The following GPATCH2L variants were observed in gnomAD, a reference collection of about 807,000 sequenced individuals.
The protein encoded by GPATCH2L is G-patch domain containing 2 like.
Under a neutral mutation model 57.4 loss-of-function variants are expected in GPATCH2L, and 31 were observed. The observed-to-expected ratio is 0.54, with a 90% confidence interval of 0.41 to 0.73. GPATCH2L has a LOEUF of 0.73. Ranked by LOEUF, GPATCH2L falls within the 30% of genes least tolerant of loss-of-function variation. The probability of loss-of-function intolerance (pLI) is 0.00; values close to 1 mark genes in which losing one functional copy is unlikely to be tolerated. For missense variants in GPATCH2L, 481 were observed against 599.9 expected, an observed-to-expected ratio of 0.80 and a Z score of 2.07; for synonymous variants, 199 against 210.7, an observed-to-expected ratio of 0.94 and a Z score of 0.48.
In GPATCH2L at chr14:76,181,754, T is replaced by C. The variant is rs112531185; in HGVS notation, c.1193+905T>C. On this transcript the variant is annotated intron_variant, in intron 8 of 9. Coordinates refer to ENST00000261530, the MANE Select transcript of GPATCH2L (RefSeq NM_017926.4). The stretch of plus-strand genomic sequence containing the variant: ...ATTGTAGCACCCCCTACAGGGCTGT[T>C]ATGCAGAAAAGAGTAGCTAATAGGC... Among the ~76,000 whole-genome samples, 521 of 152,320 alleles carry C rather than the reference T, an allele frequency of 3.4e-3. 4 individuals are homozygous for C. Among genetic ancestry groups the C allele is most frequent in the African/African-American group, 0.012 (483 of 41,560 alleles).
chr14:76,186,972 G>A (rs572473385), intron 8 of GPATCH2L, among the ~76,000 whole-genome samples: 2 of 152,084 alleles, frequency 1.3e-5, no homozygotes, highest in African/African-American at 4.8e-5. Context: ...GGAATTGCTA[G>A]GATCGCTTCC....
chr14:76,159,960 G>A (rs989580417), intron 2 of GPATCH2L, among the ~76,000 whole-genome samples: 1 of 151,990 alleles, frequency 6.6e-6, no homozygotes, highest in South Asian at 2.1e-4. Context: ...GTGAAACCCC[G>A]ACTCTACTAA....
chr14:76,158,863 A>T (rs2038435443), intron 2 of GPATCH2L, among the ~76,000 whole-genome samples: 1 of 152,196 alleles, frequency 6.6e-6, no homozygotes, highest in African/African-American at 2.4e-5. Context: ...GGTCGATATG[A>T]TACTATTGTA....
At position 76,204,155 on chromosome 14, in the gene GPATCH2L, A is replaced by G. The variant is rs1420165916; in HGVS notation, c.*2304A>G. 1 of 152,212 alleles carries G rather than the reference A, an allele frequency of 6.6e-6. No individual in the cohort carries two copies. Among genetic ancestry groups the G allele is most frequent in the African/African-American group, 2.4e-5 (1 of 41,454 alleles). The allele number at this position is 152,212 out of a possible 1,614,324, so 9.4% of individuals were successfully genotyped here. On this transcript the variant is annotated 3_prime_UTR_variant, in exon 10 of 10. Transcript: ENST00000261530. ...GCCAGGACTAGAATCCCAGACTTTCAGATTTTCTCTGCCCTGGGTTATAAT... is the reference window on the plus strand; with the variant it reads ...GCCAGGACTAGAATCCCAGACTTTCGGATTTTCTCTGCCCTGGGTTATAAT...
intron 1 of GPATCH2L, among the ~76,000 whole-genome samples, chr14:76,222,899 T>TG (rs1421329195): frequency 8.1e-5 from 12 of 148,266 alleles, no homozygotes; most frequent in African/African-American, 2.8e-4. Context: ...AAGATTGCAG[T>TG]GAGCCGAGAT....
At position 76,208,684 on chromosome 14, in the gene GPATCH2L, C is replaced by G. The variant is rs2040407260; in HGVS notation, c.*6833C>G. ...AAATGACTTGATCTAGCTACAGCCT[C>G]ACACTCCTGGCACATACAGCTTTGC... is the stretch of plus-strand genomic sequence containing the variant. On this transcript the variant is annotated 3_prime_UTR_variant, in exon 10 of 10. Transcript: ENST00000261530. The G allele has an allele frequency of 6.6e-6, 1 of 152,572 alleles. No homozygotes were observed. The highest frequency in any genetic ancestry group is 1.5e-5 in the Non-Finnish European group (1 of 68,222). 9.5% of individuals were successfully genotyped at this position (152,572 alleles called of 1,614,324 possible).
chr14:76,181,937 A>C (rs142537886), intron 8 of GPATCH2L, among the ~76,000 whole-genome samples: 1,736 of 152,324 alleles, frequency 0.011, 32 homozygotes, highest in African/African-American at 0.039. Context: ...TACAGTTAGA[A>C]CTTCTACTAT....
At chr14:76,190,459 AG>A (rs1441655122) in intron 8 of GPATCH2L, among the ~76,000 whole-genome samples, 6 of 152,040 alleles carry the variant, frequency 3.9e-5, no homozygotes, top group Non-Finnish European at 8.8e-5. Flanking sequence ...TGACACTCTT[AG>A]GGGAAGTACT....
intron 3 of GPATCH2L, among the ~76,000 whole-genome samples, chr14:76,169,424 G>A (rs1048420854): frequency 2.6e-5 from 4 of 151,958 alleles, no homozygotes; most frequent in South Asian, 2.1e-4. Flanking sequence ...AAACAAAATC[G>A]AACATAGATT....
intron 8 of GPATCH2L, among the ~76,000 whole-genome samples, chr14:76,187,063 C>T (rs2039794857): frequency 6.6e-6 from 1 of 151,212 alleles, no homozygotes; most frequent in Non-Finnish European, 1.5e-5. Flanking sequence ...GCTCCTAGTG[C>T]CATAGGCCTA....
intron 2 of GPATCH2L, among the ~76,000 whole-genome samples, chr14:76,164,587 C>T (rs1018501854): frequency 6.6e-6 from 1 of 151,912 alleles, no homozygotes; most frequent in African/African-American, 2.4e-5. Flanking sequence ...AACCAAAACA[C>T]TGATCTATAG....
At chr14:76,215,888 T>G (rs957961489), downstream of GPATCH2L, among the ~76,000 whole-genome samples, 1 of 151,408 alleles carries the variant, frequency 6.6e-6, no homozygotes. Flanking sequence ...AATGTGCACA[T>G]GTACCCTAAA....
At chr14:76,173,799 A>T (rs2139672965) in intron 5 of GPATCH2L, 174 bp downstream of exon 5, 1 of 535,028 alleles carries the variant, frequency 1.9e-6, no homozygotes, top group African/African-American at 1.9e-5. Context: ...ATGGATATAC[A>T]AATAAAAGAT....
intron 2 of GPATCH2L, among the ~76,000 whole-genome samples, chr14:76,166,436 A>AT (rs1238470030): frequency 2.6e-5 from 4 of 152,172 alleles, no homozygotes; most frequent in Admixed American, 2.0e-4. Flanking sequence ...GTGACTTTAG[A>AT]TTTTTTTAGT....
intron 1 of GPATCH2L, chr14:76,152,540 C>G: frequency 2.5e-6 from 1 of 401,076 alleles, no homozygotes; most frequent in South Asian, 1.8e-5. Flanking sequence ...CACCAGCTAC[C>G]CGTTCCTTCC....
At chr14:76,159,825 A>G (rs2038490129) in intron 2 of GPATCH2L, among the ~76,000 whole-genome samples, 1 of 152,112 alleles carries the variant, frequency 6.6e-6, no homozygotes, top group Non-Finnish European at 1.5e-5. Context: ...AGTTAGAGCC[A>G]CCAAATAGAA....
Position 76,154,490 on chromosome 14 carries a change from C to A in GPATCH2L, c.127C>A (p.Arg43=). ...GCAGAGGCGGCAGCTTCGGAAACGC[C>A]GAGGTCGGAAGCGTCGTTCTGACTT... ...RQQRRQLRKR[R]GRKRRSDFTH... is the part of the protein sequence containing the mutation. Residue 43 remains arginine (R), a synonymous_variant, in exon 2 of 10, where the codon CGA becomes AGA. Transcript: ENST00000261530. The surrounding 1 kb of genome is among the most constrained non-coding windows in gnomAD (Gnocchi z 4.4). 6.2e-7 allele frequency: 1 copy of A among 1,614,130 alleles called. No homozygotes were observed. Among genetic ancestry groups the A allele is most frequent in the South Asian group, 1.1e-5 (1 of 91,074 alleles).
chr14:76,214,194 GTGGTGTCATCCTATCCAAGAA>G lies in GPATCH2L; in HGVS notation c.*12345_*12365del, dbSNP rs1406951887. The G allele has an allele frequency of 2.0e-5, 3 of 152,134 alleles. No individual in the cohort carries two copies. Among genetic ancestry groups the G allele is most frequent in the Non-Finnish European group, 4.4e-5 (3 of 68,018 alleles). The allele number at this position is 152,134 out of a possible 1,614,324, so 9.4% of individuals were successfully genotyped here. ...TAGAGAGAACTAACATCTTTAAAAT[GTGGTGTCATCCTATCCAAGAA>G]TAGGAGATGTATTTCCATTTATTCA... On this transcript the variant is annotated 3_prime_UTR_variant, in exon 10 of 10. Coordinates refer to ENST00000261530, the MANE Select transcript of GPATCH2L (RefSeq NM_017926.4).
In GPATCH2L at chr14:76,209,253, C is replaced by T. The variant is rs141607908; in HGVS notation, c.*7402C>T. On this transcript the variant is annotated 3_prime_UTR_variant, in exon 10 of 10. Transcript: ENST00000261530. The stretch of plus-strand genomic sequence containing the variant: ...GACTGGATGCCGGTCTCTGCCGCCA[C>T]CTCCGTTATTTCAGTGAACACCTGT... 1 of 152,282 alleles carries T rather than the reference C, an allele frequency of 6.6e-6. No individual in the cohort carries two copies. 9.4% of individuals were successfully genotyped at this position (152,282 alleles called of 1,614,324 possible).
Sources: allele counts gnomAD v4.1 joint callset (sites outside exome capture counted in the v4.1 genomes callset), GRCh38; gene constraint gnomAD v4.1.1; non-coding constraint Gnocchi (gnomAD v3.1); transcripts MANE v1.5; gene names NCBI Gene and HGNC (gene_info 2026-07-23, HGNC 2026-07-21).